DENND10: variants seen among roughly 807,000 people sequenced by gnomAD.
DENND10 encodes DENN domain-containing protein 10.
Under a neutral mutation model 43.6 loss-of-function variants are expected in DENND10, and 24 were observed. The observed-to-expected ratio is 0.55, with a 90% confidence interval of 0.40 to 0.77. DENND10 has a LOEUF of 0.77. DENND10 is among the 30% of genes least tolerant of loss of function. The pLI, the probability that DENND10 is intolerant of heterozygous loss-of-function variation, is 0.00. For synonymous variants in DENND10, 125 were observed against 157.6 expected (o/e 0.79, Z 1.55); for missense variants, 303 against 429.9 (o/e 0.70, Z 2.61).
intron 2 of DENND10, among the ~76,000 whole-genome samples, chr10:119,110,845 T>A (rs549434163): frequency 2.0e-4 from 31 of 152,344 alleles, no homozygotes; most frequent in Non-Finnish European, 4.1e-4. Context: ...TGTATTTTGT[T>A]GTTTTTCATC....
intron 1 of DENND10, among the ~76,000 whole-genome samples, chr10:119,107,538 G>T (rs1844755084): frequency 6.6e-6 from 1 of 151,672 alleles, no homozygotes; most frequent in African/African-American, 2.4e-5. Context: ...TGAGTAGCTG[G>T]GATTACAGGC....
At chr10:119,128,056 T>A (rs542739590) in intron 6 of DENND10, among the ~76,000 whole-genome samples, 1 of 151,974 alleles carries the variant, frequency 6.6e-6, no homozygotes, top group South Asian at 2.1e-4. Flanking sequence ...CTCATGCCTG[T>A]AATCCCAGCA....
chr10:119,107,517 C>A (rs1844754409), intron 1 of DENND10, among the ~76,000 whole-genome samples: 1 of 151,510 alleles, frequency 6.6e-6, no homozygotes, highest in Non-Finnish European at 1.5e-5. Context: ...AATTCTCTTG[C>A]CTTAGCCTCC....
At chr10:119,121,446 T>C (rs1039414170) in intron 5 of DENND10, among the ~76,000 whole-genome samples, 13 of 121,494 alleles carry the variant, frequency 1.1e-4, no homozygotes, top group Non-Finnish European at 1.9e-4. Flanking sequence ...CATTAGGTCC[T>C]TTTTTTTTTT....
intron 3 of DENND10, among the ~76,000 whole-genome samples, chr10:119,115,382 A>ATTTTT (rs397845392): frequency 4.1e-5 from 2 of 48,416 alleles, no homozygotes; most frequent in African/African-American, 6.3e-5. Flanking sequence ...TGAATTGGTA[A>ATTTTT]TTTTTTTTTT....
chr10:119,117,422 C>T lies in DENND10; in HGVS notation c.333-97C>T, dbSNP rs1055405119. The T allele has an allele frequency of 2.2e-4, 294 of 1,308,044 alleles. 1 individual carries two copies. The highest frequency in any genetic ancestry group is 7.7e-4 in the Middle Eastern group (4 of 5,182). The allele number at this position is 1,308,044 out of a possible 1,614,324, so 81.0% of individuals were successfully genotyped here. The stretch of plus-strand genomic sequence containing the variant: ...CAGAAGGGCAGTAGCAAGGTGGCCT[C>T]GGATTCTTGAGAAGGCACCCATACC... On this transcript the variant is annotated intron_variant, in intron 3 of 8. Coordinates refer to ENST00000361432, the MANE Select transcript of DENND10 (RefSeq NM_207009.4).
At chr10:119,129,756 C>T (rs1318036057) in intron 7 of DENND10, 134 bp downstream of exon 7, 4 of 653,098 alleles carry the variant, frequency 6.1e-6, no homozygotes, top group African/African-American at 3.6e-5. Context: ...GTGTCTAGAA[C>T]ACAACATTTA....
chr10:119,113,012 G>C (rs1845050895), intron 3 of DENND10, among the ~76,000 whole-genome samples: 1 of 151,648 alleles, frequency 6.6e-6, no homozygotes, highest in South Asian at 2.1e-4. Flanking sequence ...ACCACGCCCA[G>C]CTAATTTTTT....
intron 7 of DENND10, among the ~76,000 whole-genome samples, chr10:119,130,851 G>C (rs117549920): frequency 6.6e-6 from 1 of 152,294 alleles, no homozygotes; most frequent in East Asian, 1.9e-4. Context: ...AGTGACCCGA[G>C]AGAGAAAAGG....
intron 3 of DENND10, among the ~76,000 whole-genome samples, chr10:119,113,902 A>T (rs1845110185): frequency 6.6e-6 from 1 of 152,188 alleles, no homozygotes; most frequent in African/African-American, 2.4e-5. Flanking sequence ...GGAGATTATT[A>T]TTGCCAGAAA....
chr10:119,120,975 T>A (rs1229203929), intron 5 of DENND10, among the ~76,000 whole-genome samples: 2 of 152,136 alleles, frequency 1.3e-5, no homozygotes, highest in Non-Finnish European at 2.9e-5. Flanking sequence ...ATAGATTTTT[T>A]AAATTTTATT....
intron 4 of DENND10, among the ~76,000 whole-genome samples, chr10:119,117,965 C>G (rs1272039645): frequency 7.5e-6 from 1 of 134,178 alleles, no homozygotes; most frequent in Non-Finnish European, 1.6e-5. Context: ...GACTCCGTCT[C>G]AAAAAAAAAA....
chr10:119,135,788 T>G (rs1341388914), intron 8 of DENND10, among the ~76,000 whole-genome samples: 1 of 9,912 alleles, frequency 1.0e-4, no homozygotes, highest in Non-Finnish European at 2.5e-4. Flanking sequence ...ATGACTAAAA[T>G]TGTAAAAAAA....
chr10:119,120,312 A>G (rs758245007), intron 4 of DENND10, 29 bp from the exon 5 acceptor site: 2 of 1,279,478 alleles, frequency 1.6e-6, no homozygotes, highest in Non-Finnish European at 2.3e-6. Flanking sequence ...TGTGTAATGC[A>G]GTAACATTAC....
intron 3 of DENND10, among the ~76,000 whole-genome samples, chr10:119,114,995 C>A (rs568296829): frequency 6.6e-6 from 1 of 152,176 alleles, no homozygotes; most frequent in East Asian, 1.9e-4. Context: ...GTCTGGAACT[C>A]CTGGCCTAAA....
In DENND10 at chr10:119,108,075, C is replaced by G. The variant is rs370607416; in HGVS notation, c.163C>G (p.Leu55Val). Residue 55 changes from leucine (L) to valine (V), a missense_variant, in exon 2 of 9, where the codon CTT (leucine) becomes GTT (valine). By Grantham distance (32) the Leu-to-Val change is conservative. Coordinates refer to ENST00000361432, the MANE Select transcript of DENND10 (RefSeq NM_207009.4). ...ATGCTGCCTTACAGATGAAAACAAA[C>G]TTCTCCATCCCTTTGTCTTTGGTCA... ...RKCCLTDENK[L>V]LHPFVFGQYR... 13 of 1,613,504 alleles carry G rather than the reference C, an allele frequency of 8.1e-6. No individual in the cohort carries two copies. Among genetic ancestry groups the G allele is most frequent in the Non-Finnish European group, 2.5e-6 (3 of 1,179,526 alleles).
At chr10:119,122,233 A>C (rs1845611845) in intron 5 of DENND10, among the ~76,000 whole-genome samples, 1 of 152,182 alleles carries the variant, frequency 6.6e-6, no homozygotes, top group African/African-American at 2.4e-5. Context: ...GCTTGAGCCC[A>C]GGAGGTGGAG....
chr10:119,111,973 C>T, intron 3 of DENND10, 45 bp downstream of exon 3: 6 of 1,383,156 alleles, frequency 4.3e-6, no homozygotes, highest in Non-Finnish European at 6.2e-6. Context: ...AAAATGAAGA[C>T]CTTAGTATAG....
chr10:119,126,787 A>G (rs1362340300), intron 6 of DENND10, among the ~76,000 whole-genome samples: 1 of 152,066 alleles, frequency 6.6e-6, no homozygotes, highest in Non-Finnish European at 1.5e-5. Context: ...TTTTAGAGAC[A>G]AAGTCTTGCT....
Sources: allele counts gnomAD v4.1 joint callset (sites outside exome capture counted in the v4.1 genomes callset), GRCh38; gene constraint gnomAD v4.1.1; transcripts MANE v1.5; gene names NCBI Gene and HGNC (gene_info 2026-07-23, HGNC 2026-07-21).